The following ATG3 variants were observed in gnomAD, a reference collection of about 807,000 sequenced individuals.
ATG3 encodes autophagy related 3.
In ATG3, 25 loss-of-function variants were observed where a neutral mutation model predicts 50.7. The observed-to-expected ratio is 0.49, with a 90% CI of 0.36 to 0.69. The LOEUF (loss-of-function observed/expected upper bound fraction) is 0.69, where lower values mean the gene tolerates loss of function less well. ATG3 is among the 30% of genes least tolerant of loss of function. The pLI, the probability that ATG3 is intolerant of heterozygous loss-of-function variation, is 0.00. For synonymous variants in ATG3, 119 were observed against 125.5 expected, an observed-to-expected ratio of 0.95 and a Z score of 0.34; for missense variants, 281 against 376.0, an observed-to-expected ratio of 0.75 and a Z score of 2.09.
chr3:112,558,092 A>G (rs899309775), intron 2 of ATG3: 3 of 379,460 alleles, frequency 7.9e-6, no homozygotes, highest in Non-Finnish European at 1.4e-5. Flanking sequence ...ATATAACACC[A>G]ATACAAGTCA....
intron 5 of ATG3, among the ~76,000 whole-genome samples, chr3:112,545,732 G>A (rs908322445): frequency 2.0e-5 from 3 of 152,140 alleles, no homozygotes; most frequent in African/African-American, 7.2e-5. Context: ...CTAGAAGTAG[G>A]ATACAGTTGA....
At chr3:112,555,247 C>T (rs1933636378) in intron 2 of ATG3, among the ~76,000 whole-genome samples, 1 of 152,178 alleles carries the variant, frequency 6.6e-6, no homozygotes, top group Admixed American at 6.5e-5. Context: ...ACTGATAATA[C>T]ATGTGTACAT....
At chr3:112,541,962 T>C in intron 6 of ATG3, 78 bp from the exon 7 acceptor site, 1 of 1,057,452 alleles carries the variant, frequency 9.5e-7, no homozygotes, top group Non-Finnish European at 1.4e-6. Context: ...GCTAGCACAG[T>C]GGTAACCACT....
At chr3:112,558,330 GTAT>G (rs1553739599) in intron 2 of ATG3, 43 bp downstream of exon 2, 15 of 1,410,692 alleles carry the variant, frequency 1.1e-5, no homozygotes, top group Non-Finnish European at 1.5e-5. Context: ...ACCTAGTTTA[GTAT>G]TATTGTAAAA....
chr3:112,537,423 T>G (rs1933100974), intron 9 of ATG3: 1 of 186,480 alleles, frequency 5.4e-6, no homozygotes, highest in South Asian at 1.6e-4. Context: ...ATCCAACTGA[T>G]GTAATCCCAA....
At chr3:112,549,964 C>T (rs1283232438) in intron 4 of ATG3, among the ~76,000 whole-genome samples, 1 of 151,998 alleles carries the variant, frequency 6.6e-6, no homozygotes, top group Non-Finnish European at 1.5e-5. Context: ...AATCAAATAC[C>T]TAGAAAGATT....
intron 6 of ATG3, among the ~76,000 whole-genome samples, chr3:112,542,612 A>C (rs913081362): frequency 5.3e-5 from 8 of 152,132 alleles, no homozygotes; most frequent in Non-Finnish European, 1.0e-4. Flanking sequence ...TACACCCAAA[A>C]TTGAAACCAC....
At chr3:112,534,385 G>T in intron 10 of ATG3, 48 bp from the exon 11 acceptor site, 2 of 1,420,264 alleles carry the variant, frequency 1.4e-6, no homozygotes, top group South Asian at 1.5e-5. Context: ...CGATTAGACC[G>T]AAAGAAGAAA....
At chr3:112,543,961 A>T in intron 6 of ATG3, 96 bp downstream of exon 6, 1 of 875,338 alleles carries the variant, frequency 1.1e-6, no homozygotes, top group East Asian at 2.7e-5. Flanking sequence ...GGGTTTTTAT[A>T]AGAAAGATAT....
intron 5 of ATG3, among the ~76,000 whole-genome samples, chr3:112,547,901 C>T (rs190049200): frequency 0.01 from 1,592 of 152,292 alleles, 9 homozygotes; most frequent in Non-Finnish European, 0.016. Flanking sequence ...AGCACATAAT[C>T]CAGCAATGGA....
chr3:112,560,704 G>A (rs1042072822), intron 1 of ATG3, among the ~76,000 whole-genome samples: 14 of 152,068 alleles, frequency 9.2e-5, no homozygotes, highest in African/African-American at 3.1e-4. Flanking sequence ...AAAGCTTGAA[G>A]GCAGTTGTAG....
chr3:112,536,571 T>TA lies in ATG3; in HGVS notation c.697dup (p.Tyr233LeufsTer2). The TA allele has an allele frequency of 6.2e-7, 1 of 1,614,140 alleles. No individual in the cohort carries two copies. ...CACATGATCCTGACTGATGTCTTCA[T>TA]ACATGTGCTCAACTGTTAAAGGCTG... On this transcript the variant is annotated frameshift_variant, in exon 10 of 12. Coordinates refer to ENST00000283290, the MANE Select transcript of ATG3 (RefSeq NM_022488.5). LOFTEE classifies it high-confidence loss of function.
At chr3:112,559,785 C>T (rs1933792227) in intron 1 of ATG3, among the ~76,000 whole-genome samples, 1 of 152,182 alleles carries the variant, frequency 6.6e-6, no homozygotes, top group Admixed American at 6.5e-5. Flanking sequence ...AGATTGGGGC[C>T]TCTACCAATT....
At chr3:112,561,435 CG>C in intron 1 of ATG3, 21 bp downstream of exon 1, 1 of 1,612,356 alleles carries the variant, frequency 6.2e-7, no homozygotes, top group Non-Finnish European at 8.5e-7. Context: ...TGACAGCTCC[CG>C]GCAACCCTGG....
rs768581750 is a variant in ATG3 at position 112,544,041 on chromosome 3, AC to A, written c.393+15del. On this transcript the variant is annotated intron_variant, in intron 6 of 11. Transcript: ENST00000283290. ...ACTACTCATTAAATTTAAAAATATA[AC>A]TAATTAACCAGTACCTTATTTTCCA... 1.5e-5 allele frequency: 24 copies of A among 1,552,808 alleles called. No homozygotes were observed. The highest frequency in any genetic ancestry group is 2.0e-5 in the Non-Finnish European group (22 of 1,126,698).
intron 11 of ATG3, 131 bp from the exon 12 acceptor site, chr3:112,532,911 TA>T (rs2082566431): frequency 7.6e-7 from 1 of 1,311,264 alleles, no homozygotes; most frequent in Non-Finnish European, 9.7e-7. Flanking sequence ...TTAAGTCTAT[TA>T]AAGAATTCAA....
At chr3:112,534,117 T>C (rs2082574671) in intron 11 of ATG3, 152 bp downstream of exon 11, 9 of 1,403,746 alleles carry the variant, frequency 6.4e-6, no homozygotes, top group Non-Finnish European at 8.3e-6. Context: ...AATATAACAT[T>C]TTCTAAATAA....
chr3:112,536,286 G>T (rs1042924770), intron 10 of ATG3, 189 bp downstream of exon 10: 3 of 595,884 alleles, frequency 5.0e-6, no homozygotes, highest in East Asian at 3.2e-5. Flanking sequence ...AAAACAAATT[G>T]GTAAGTTTTT....
In ATG3 at chr3:112,541,847, T is replaced by C. The variant is rs760834509; in HGVS notation, c.431A>G (p.Glu144Gly). ...TCCTTCATCTTCATCTTCTTCCTCT[T>C]CACATAGTGCTGAGCAATCTTGAAG... ...IRLQDCSALC[E>G]EEEDEDEGEA... The change falls in exon 7 of 12, where the codon GAA (glutamate) becomes GGA (glycine). Residue 144 changes from glutamate to glycine, a missense_variant. Glu to Gly is a moderately conservative substitution (Grantham distance 98). Transcript: ENST00000283290. The C allele has an allele frequency of 1.2e-6, 2 of 1,612,518 alleles. No homozygotes were observed. Among genetic ancestry groups the C allele is most frequent in the Non-Finnish European group, 1.7e-6 (2 of 1,179,738 alleles).
Sources: gnomAD v4.1 joint callset for allele counts (sites outside exome capture counted in the v4.1 genomes callset) on GRCh38, gnomAD v4.1.1 for gene constraint, MANE v1.5 for transcripts, NCBI Gene and HGNC (gene_info 2026-07-23, HGNC 2026-07-21) for gene names.